Variants in TENM3 observed in about 807,000 individuals in gnomAD.
TENM3 encodes teneurin-3.
In TENM3, 63 loss-of-function variants were observed where a neutral mutation model predicts 255.1. The ratio of observed to expected loss-of-function variants is 0.25; its 90% CI spans 0.20 to 0.30. TENM3 has a LOEUF of 0.30. Among genes scored for constraint, TENM3 ranks in the 10% least tolerant of loss-of-function variants. TENM3 has a pLI of 1.00. For missense variants in TENM3, 2,929 were observed against 3,461.1 expected, an observed-to-expected ratio of 0.85 and a Z score of 3.86; for synonymous variants, 1,306 against 1,322.3, an observed-to-expected ratio of 0.99 and a Z score of 0.27.
chr4:181,783,409 A>T, the TENM3 span, among the ~76,000 whole-genome samples: 6 of 152,076 alleles, frequency 3.9e-5, no homozygotes, highest in Non-Finnish European at 7.4e-5. Flanking sequence ...TTCTGGTGAC[A>T]ATACCTCACC....
At chr4:181,455,521 G>A in the TENM3 span, among the ~76,000 whole-genome samples, 20,169 of 151,952 alleles carry the variant, frequency 0.13, 1,511 homozygotes, top group East Asian at 0.28. Context: ...TATTAGATTA[G>A]TATTCAAGGG....
intron 3 of TENM3, among the ~76,000 whole-genome samples, chr4:182,369,156 C>T (rs556018716): frequency 6.6e-6 from 1 of 152,174 alleles, no homozygotes; most frequent in African/African-American, 2.4e-5. Flanking sequence ...TCAGAAAAAC[C>T]AGTATATGAA....
chr4:182,602,742 A>C (rs1748023396), intron 4 of TENM3, among the ~76,000 whole-genome samples: 1 of 152,288 alleles, frequency 6.6e-6, no homozygotes, highest in Admixed American at 6.5e-5. Flanking sequence ...TGAGGTTATT[A>C]GCACAGACGT....
At chr4:182,458,160 G>T (rs1413087198) in intron 3 of TENM3, among the ~76,000 whole-genome samples, 1 of 151,958 alleles carries the variant, frequency 6.6e-6, no homozygotes, top group Non-Finnish European at 1.5e-5. Flanking sequence ...GATCATCTAT[G>T]GTATAGCTAA....
chr4:181,534,248 A>C, the TENM3 span, among the ~76,000 whole-genome samples: 1 of 152,032 alleles, frequency 6.6e-6, no homozygotes, highest in Non-Finnish European at 1.5e-5. Flanking sequence ...AAAAAAAAAA[A>C]AAACAATTGC....
chr4:182,250,054 C>CT (rs957483629), intron 1 of TENM3, among the ~76,000 whole-genome samples: 10,963 of 128,378 alleles, frequency 0.085, 1,064 homozygotes, highest in African/African-American at 0.22. Flanking sequence ...TTTCTTTTTT[C>CT]TTTTTTTTTT....
chr4:181,503,306 C>T, the TENM3 span, among the ~76,000 whole-genome samples: 7 of 152,142 alleles, frequency 4.6e-5, no homozygotes, highest in African/African-American at 7.2e-5. Flanking sequence ...TTCAAGGTTA[C>T]AGTGAGATGT....
intron 5 of TENM3, among the ~76,000 whole-genome samples, chr4:182,651,623 G>A (rs912481641): frequency 3.3e-5 from 5 of 152,118 alleles, no homozygotes; most frequent in African/African-American, 1.2e-4. Flanking sequence ...CTTGAACCCG[G>A]GAGACAGAGG....
intron 3 of TENM3, among the ~76,000 whole-genome samples, chr4:182,522,331 C>T (rs1314890673): frequency 2.0e-5 from 3 of 152,132 alleles, no homozygotes; most frequent in Admixed American, 2.0e-4. Flanking sequence ...TTATCTTGAT[C>T]TTTTTCTCCC....
intron 16 of TENM3, among the ~76,000 whole-genome samples, chr4:182,733,161 A>G (rs759458343): frequency 6.6e-6 from 1 of 152,214 alleles, no homozygotes; most frequent in Non-Finnish European, 1.5e-5. Flanking sequence ...AAATCTCTTC[A>G]ATAAGGTGAC....
At chr4:182,580,645 CT>C (rs1745398019) in intron 3 of TENM3, among the ~76,000 whole-genome samples, 1 of 152,158 alleles carries the variant, frequency 6.6e-6, no homozygotes, top group Admixed American at 6.5e-5. Context: ...TTATGCTAGT[CT>C]CTGTGAGCAA....
chr4:182,246,088 C>T (rs893675061), intron 1 of TENM3, among the ~76,000 whole-genome samples: 2 of 152,094 alleles, frequency 1.3e-5, no homozygotes, highest in Middle Eastern at 3.2e-3. Context: ...AGGCAGCAAC[C>T]GCTATGGCAG....
At chr4:182,474,824 C>G in intron 3 of TENM3, among the ~76,000 whole-genome samples, 1 of 151,860 alleles carries the variant, frequency 6.6e-6, no homozygotes, top group East Asian at 1.9e-4. Flanking sequence ...TATTGTATCC[C>G]CTTCTTTTTA....
the TENM3 span, among the ~76,000 whole-genome samples, chr4:181,727,576 G>A: frequency 6.6e-6 from 1 of 152,118 alleles, no homozygotes; most frequent in Non-Finnish European, 1.5e-5. Flanking sequence ...CTGTTGAAGA[G>A]CATACATTTC....
intron 3 of TENM3, among the ~76,000 whole-genome samples, chr4:182,550,031 A>G (rs1741843448): frequency 6.6e-6 from 1 of 152,208 alleles, no homozygotes; most frequent in Admixed American, 6.5e-5. Context: ...TGTGTATGAA[A>G]ATAATTGAAG....
intron 3 of TENM3, among the ~76,000 whole-genome samples, chr4:182,423,054 A>G (rs12649408): frequency 0.5 from 75,732 of 151,542 alleles, 19,232 homozygotes; most frequent in South Asian, 0.59. Context: ...CGGATGGTAG[A>G]TAGATGGTTT....
the TENM3 span, among the ~76,000 whole-genome samples, chr4:181,844,437 G>A: frequency 5.3e-5 from 8 of 152,060 alleles, no homozygotes; most frequent in African/African-American, 1.9e-4. Flanking sequence ...GAGAGGCCGA[G>A]GCGGGCGGAT....
chr4:181,523,204 T>C, the TENM3 span, among the ~76,000 whole-genome samples: 1 of 152,168 alleles, frequency 6.6e-6, no homozygotes, highest in South Asian at 2.1e-4. Context: ...ACCACAAGCG[T>C]CTTTTATATA....
At chr4:181,650,033 G>C in the TENM3 span, among the ~76,000 whole-genome samples, 1 of 152,174 alleles carries the variant, frequency 6.6e-6, no homozygotes, top group Non-Finnish European at 1.5e-5. Flanking sequence ...CATTAGACAA[G>C]TCAGGTATGG....
Sources: allele counts gnomAD v4.1 joint callset (sites outside exome capture counted in the v4.1 genomes callset), GRCh38; gene constraint gnomAD v4.1.1; transcripts MANE v1.5; gene names NCBI Gene and HGNC (gene_info 2026-07-23, HGNC 2026-07-21).